The following DGKB variants were observed in gnomAD, a reference collection of about 807,000 sequenced individuals.
DGKB encodes the protein diacylglycerol kinase beta.
In DGKB, 67 loss-of-function variants were observed where a neutral mutation model predicts 114.3. The observed-to-expected ratio is 0.59, with a 90% CI of 0.48 to 0.72. The LOEUF (loss-of-function observed/expected upper bound fraction) is 0.72, where lower values mean the gene tolerates loss of function less well. Ranked by LOEUF, DGKB falls within the 30% of genes least tolerant of loss-of-function variation. The probability of loss-of-function intolerance (pLI) is 0.00; values close to 1 mark genes in which losing one functional copy is unlikely to be tolerated. For synonymous variants in DGKB, 398 were observed against 323.1 expected, an observed-to-expected ratio of 1.23 and a Z score of -2.49; for missense variants, 907 against 975.2, an observed-to-expected ratio of 0.93 and a Z score of 0.93.
chr7:14,835,479 C>T (rs1045554837), intron 2 of DGKB, among the ~76,000 whole-genome samples: 6 of 152,144 alleles, frequency 3.9e-5, no homozygotes, highest in African/African-American at 1.4e-4. Flanking sequence ...TCAGACACTG[C>T]GAAATGGCCC....
At chr7:14,580,831 G>A (rs1307061670) in intron 19 of DGKB, 31 bp downstream of exon 19, 18 of 1,519,308 alleles carry the variant, frequency 1.2e-5, no homozygotes, top group Non-Finnish European at 1.5e-5. Context: ...GTTGTGTACT[G>A]TTTCTGCTTT....
At chr7:14,329,062 G>C (rs1809254062) in intron 23 of DGKB, among the ~76,000 whole-genome samples, 1 of 151,828 alleles carries the variant, frequency 6.6e-6, no homozygotes, top group South Asian at 2.1e-4. Context: ...ACACTTCCAA[G>C]GAGCTACTAT....
At chr7:14,947,202 A>C (rs933556172) in intron 1 of DGKB, among the ~76,000 whole-genome samples, 3 of 151,686 alleles carry the variant, frequency 2.0e-5, no homozygotes, top group African/African-American at 7.2e-5. Context: ...TCAGTTTGTT[A>C]TGTTTAAACC....
chr7:14,682,315 A>G (rs190885414), intron 12 of DGKB, among the ~76,000 whole-genome samples: 1 of 152,192 alleles, frequency 6.6e-6, no homozygotes, highest in East Asian at 1.9e-4. Flanking sequence ...CACAGTTTAA[A>G]AACCATACCA....
At chr7:14,304,087 A>ACACACACACACTCTCT (rs140836395) in intron 23 of DGKB, among the ~76,000 whole-genome samples, 8,102 of 109,776 alleles carry the variant, frequency 0.074, 449 homozygotes, top group South Asian at 0.13. Flanking sequence ...ACACACACAC[A>ACACACACACACTCTCT]CTCTCTCTCT....
At chr7:14,431,238 C>A (rs773442832) in intron 21 of DGKB, among the ~76,000 whole-genome samples, 1 of 152,148 alleles carries the variant, frequency 6.6e-6, no homozygotes, top group Non-Finnish European at 1.5e-5. Context: ...TACCTGACCG[C>A]TGAACCATCA....
At chr7:14,872,962 A>G (rs1852702633) in intron 1 of DGKB, among the ~76,000 whole-genome samples, 1 of 152,056 alleles carries the variant, frequency 6.6e-6, no homozygotes, top group South Asian at 2.1e-4. Flanking sequence ...GAACACAAAT[A>G]TTTAATGATA....
chr7:14,392,997 T>TTTTTTGTTTTTTTTTTTTTTTTG (rs1821617595), intron 21 of DGKB, among the ~76,000 whole-genome samples: 1 of 87,586 alleles, frequency 1.1e-5, no homozygotes, highest in African/African-American at 3.6e-5. Context: ...TTGTTTTTGT[T>TTTTTTGTTTTTTTTTTTTTTTTG]TTTTTTTTTT....
At chr7:14,184,199 G>T (rs1238980126) in intron 23 of DGKB, among the ~76,000 whole-genome samples, 1 of 152,180 alleles carries the variant, frequency 6.6e-6, no homozygotes, top group Non-Finnish European at 1.5e-5. Flanking sequence ...TCCAACGGGA[G>T]GGTGACCAGA....
At chr7:14,619,485 A>T (rs1367418059) in intron 15 of DGKB, among the ~76,000 whole-genome samples, 1 of 151,630 alleles carries the variant, frequency 6.6e-6, no homozygotes, top group Non-Finnish European at 1.5e-5. Flanking sequence ...GGGCAAATTG[A>T]GGTATGATTA....
intron 2 of DGKB, among the ~76,000 whole-genome samples, chr7:14,807,247 T>G (rs1842889110): frequency 2.0e-5 from 3 of 152,142 alleles, no homozygotes; most frequent in Middle Eastern, 6.8e-3. Flanking sequence ...TGGTCTTTCC[T>G]CTGTTTCACC....
chr7:14,503,914 A>T lies in DGKB; in HGVS notation c.1771-25689T>A, dbSNP rs573530053. Among the ~76,000 whole-genome samples the T allele has an allele frequency of 1.1e-4, 16 of 152,310 alleles. No homozygotes were observed. In the South Asian group the frequency reaches 2.5e-3, roughly 24 times the overall value. On this transcript the variant is annotated intron_variant, in intron 20 of 25. Transcript: ENST00000402815. The stretch of plus-strand genomic sequence containing the variant: ...AGAAAGGAGGGGACAGATGGAAGCT[A>T]AACTAGCTATTAACAAGTTCCTGAA...
chr7:14,576,455 T>C (rs1183187195), intron 19 of DGKB, among the ~76,000 whole-genome samples: 1 of 151,860 alleles, frequency 6.6e-6, no homozygotes, highest in African/African-American at 2.4e-5. Context: ...CACTTAAATA[T>C]ATTCATCTAT....
chr7:14,184,053 G>A (rs1416516407), intron 23 of DGKB, among the ~76,000 whole-genome samples: 4 of 152,156 alleles, frequency 2.6e-5, no homozygotes, highest in Non-Finnish European at 2.9e-5. Context: ...TGCAGGAGAA[G>A]TTTCCGGCTT....
intron 23 of DGKB, among the ~76,000 whole-genome samples, chr7:14,215,601 T>C (rs1029283559): frequency 9.2e-5 from 14 of 152,178 alleles, no homozygotes; most frequent in African/African-American, 3.4e-4. Flanking sequence ...ATTACTCTCA[T>C]AAGGTGGCTA....
intron 21 of DGKB, among the ~76,000 whole-genome samples, chr7:14,353,977 T>C (rs1189100967): frequency 6.6e-6 from 1 of 152,190 alleles, no homozygotes; most frequent in Non-Finnish European, 1.5e-5. Flanking sequence ...TTTGGAGTGC[T>C]CCCAATTTGC....
At chr7:14,358,352 C>T (rs180917907) in intron 21 of DGKB, among the ~76,000 whole-genome samples, 3 of 152,044 alleles carry the variant, frequency 2.0e-5, no homozygotes, top group Non-Finnish European at 4.4e-5. Flanking sequence ...CTTCAATCAC[C>T]GATACCCTTT....
intron 25 of DGKB, among the ~76,000 whole-genome samples, chr7:14,160,096 TA>T (rs1370874595): frequency 1.1e-4 from 17 of 152,190 alleles, no homozygotes; most frequent in African/African-American, 3.6e-4. Context: ...AATGATATGA[TA>T]TAATCTATCA....
intron 23 of DGKB, among the ~76,000 whole-genome samples, chr7:14,312,698 A>G (rs573108765): frequency 2.0e-4 from 31 of 152,336 alleles, no homozygotes; most frequent in African/African-American, 6.3e-4. Context: ...AAAGGTACTG[A>G]TGGTAAAATT....
Sources: allele counts gnomAD v4.1 joint callset (sites outside exome capture counted in the v4.1 genomes callset), GRCh38; gene constraint gnomAD v4.1.1; transcripts MANE v1.5; gene names NCBI Gene and HGNC (gene_info 2026-07-23, HGNC 2026-07-21).